ANKRD7: variants seen among roughly 807,000 people sequenced by gnomAD.
ANKRD7 encodes ankyrin repeat domain-containing protein 7.
In ANKRD7, 30 loss-of-function variants were observed where a neutral mutation model predicts 30.8. That is an observed-to-expected ratio of 0.97 (90% CI 0.73 to 1.32). The LOEUF (loss-of-function observed/expected upper bound fraction) is 1.32. Ranked by LOEUF, ANKRD7 falls within the 40% of genes most tolerant of loss-of-function variation. The probability of loss-of-function intolerance (pLI) is 0.00; values close to 1 mark genes in which losing one functional copy is unlikely to be tolerated. For missense variants in ANKRD7, 264 were observed against 295.7 expected, an observed-to-expected ratio of 0.89 and a Z score of 0.79; for synonymous variants, 97 against 106.6, an observed-to-expected ratio of 0.91 and a Z score of 0.55.
intron 1 of ANKRD7, among the ~76,000 whole-genome samples, chr7:118,228,629 T>A (rs1809583288): frequency 6.6e-6 from 1 of 152,184 alleles, no homozygotes; most frequent in Non-Finnish European, 1.5e-5. Flanking sequence ...TGACCTGCCT[T>A]TTCTTTTTCG....
intron 1 of ANKRD7, among the ~76,000 whole-genome samples, chr7:118,229,062 C>T (rs1809590056): frequency 6.6e-6 from 1 of 152,090 alleles, no homozygotes; most frequent in Non-Finnish European, 1.5e-5. Context: ...ATCTTACCTC[C>T]TACAACTCTT....
intron 1 of ANKRD7, among the ~76,000 whole-genome samples, chr7:118,230,099 A>G (rs544447285): frequency 6.6e-6 from 1 of 152,232 alleles, no homozygotes; most frequent in East Asian, 1.9e-4. Context: ...AGTTGAAAGC[A>G]TTCCTCCTAA....
Position 118,239,813 on chromosome 7 carries a change from C to T in ANKRD7, c.713-96C>T, listed in dbSNP as rs1584727162. ...CCTCAAGTGTGTTACATTCTTGGGG[C>T]AGCATTGGCTGGTACCTAAGGTTTT... is the stretch of plus-strand genomic sequence containing the variant. On this transcript the variant is annotated intron_variant, in intron 5 of 6. Transcript: ENST00000265224. 8 of 627,126 alleles carry T rather than the reference C, an allele frequency of 1.3e-5. No individual in the cohort carries two copies. In the East Asian group the frequency reaches 2.6e-4, roughly 21 times the overall value. The allele number at this position is 627,126 out of a possible 1,614,324, so 38.8% of individuals were successfully genotyped here.
rs896290597 is a variant in ANKRD7 at position 118,224,978 on chromosome 7, T to C, written c.148T>C (p.Tyr50His). Reference protein sequence around the residue: ...KLKEYLQIKKYDVNMQDKKYR... With the variant: ...KLKEYLQIKKHDVNMQDKKYR... ...GAAGGAATACCTTCAGATCAAGAAA[T>C]ATGATGTAAATATGCAGGACAAAAA... Residue 50 changes from tyrosine (Y) to histidine (H), a missense_variant, in exon 1 of 7, where the codon TAT (tyrosine) becomes CAT (histidine). Physicochemically the swap from Tyr to His is moderately conservative, Grantham distance 83. Coordinates refer to ENST00000265224, the MANE Select transcript of ANKRD7 (RefSeq NM_019644.4). The C allele has an allele frequency of 1.2e-6, 2 of 1,613,732 alleles. No individual in the cohort carries two copies. Among genetic ancestry groups the C allele is most frequent in the Non-Finnish European group, 1.7e-6 (2 of 1,179,936 alleles).
At chr7:118,228,131 T>G in intron 1 of ANKRD7, 5 of 1,100,850 alleles carry the variant, frequency 4.5e-6, no homozygotes, top group Non-Finnish European at 5.9e-6. Context: ...CATCTGGCAT[T>G]TCTCCTAATT....
intron 3 of ANKRD7, among the ~76,000 whole-genome samples, chr7:118,235,241 G>A (rs1809707223): frequency 6.6e-6 from 1 of 152,056 alleles, no homozygotes; most frequent in Non-Finnish European, 1.5e-5. Flanking sequence ...TAACAGGGTT[G>A]AAATAGCAAA....
chr7:118,236,340 A>G (rs1419500503), intron 4 of ANKRD7, among the ~76,000 whole-genome samples, 193 bp downstream of exon 4: 12 of 151,988 alleles, frequency 7.9e-5, no homozygotes, highest in Admixed American at 2.6e-4. Context: ...AACTTTTAGG[A>G]TTTATTTTTC....
intron 1 of ANKRD7, among the ~76,000 whole-genome samples, chr7:118,230,212 A>C (rs748930500): frequency 5.9e-5 from 9 of 152,022 alleles, no homozygotes; most frequent in African/African-American, 2.2e-4. Flanking sequence ...AAGGCATCCA[A>C]ATTGACAAAG....
At position 118,235,351 on chromosome 7, in the gene ANKRD7, G is replaced by A. The variant is rs189107693; in HGVS notation, c.468+477G>A. Among the ~76,000 whole-genome samples the A allele has an allele frequency of 5.0e-3, 766 of 152,190 alleles. 6 individuals carry two copies. The highest frequency in any genetic ancestry group is 0.017 in the African/African-American group (706 of 41,526). On this transcript the variant is annotated intron_variant, in intron 3 of 6. Transcript: ENST00000265224. Reference sequence around the variant, plus strand: ...TATTGAGCCGGGCATGGTGGCTCACGCCTGTAATCCCAGCACTTTGGGAGG... The same window carrying A: ...TATTGAGCCGGGCATGGTGGCTCACACCTGTAATCCCAGCACTTTGGGAGG...
intron 3 of ANKRD7, among the ~76,000 whole-genome samples, chr7:118,235,480 T>C (rs12667103): frequency 0.72 from 108,603 of 151,674 alleles, 39,159 homozygotes; most frequent in South Asian, 0.85. Context: ...GTCGTCGTGG[T>C]AGGCGCCTGT....
chr7:118,239,628 G>A (rs115960583), intron 5 of ANKRD7, among the ~76,000 whole-genome samples: 157 of 152,220 alleles, frequency 1.0e-3, no homozygotes, highest in African/African-American at 3.7e-3. Flanking sequence ...TCTAGCAAAT[G>A]AATACACCAA....
At chr7:118,238,725 T>G (rs1284476255) in intron 5 of ANKRD7, among the ~76,000 whole-genome samples, 1 of 152,238 alleles carries the variant, frequency 6.6e-6, no homozygotes, top group Non-Finnish European at 1.5e-5. Flanking sequence ...CTCATTAAAA[T>G]TCAGAAGCCA....
At chr7:118,226,296 A>G (rs1438253415) in intron 1 of ANKRD7, among the ~76,000 whole-genome samples, 1 of 152,116 alleles carries the variant, frequency 6.6e-6, no homozygotes, top group African/African-American at 2.4e-5. Flanking sequence ...TTTAATCTAA[A>G]GTGAGTTTCT....
At chr7:118,241,432 C>T (rs1035616754) in intron 6 of ANKRD7, among the ~76,000 whole-genome samples, 1 of 151,280 alleles carries the variant, frequency 6.6e-6, no homozygotes, top group African/African-American at 2.4e-5. Context: ...TCCCCCATCC[C>T]CACAAATCTA....
chr7:118,232,022 G>A (rs1016494181), intron 1 of ANKRD7, among the ~76,000 whole-genome samples: 1 of 152,058 alleles, frequency 6.6e-6, no homozygotes, highest in Non-Finnish European at 1.5e-5. Flanking sequence ...ATTTTAAAAT[G>A]TTTCTCTAAG....
chr7:118,229,162 TCC>T (rs1053989816), intron 1 of ANKRD7, among the ~76,000 whole-genome samples: 4 of 152,076 alleles, frequency 2.6e-5, no homozygotes, highest in Admixed American at 6.6e-5. Flanking sequence ...GACTAGCTGG[TCC>T]CTCTGCCTGG....
intron 1 of ANKRD7, among the ~76,000 whole-genome samples, chr7:118,225,680 G>A (rs1809528574): frequency 6.6e-6 from 1 of 152,028 alleles, no homozygotes; most frequent in Non-Finnish European, 1.5e-5. Flanking sequence ...GAGTAGAGAC[G>A]ACCCCCTGGA....
intron 6 of ANKRD7, among the ~76,000 whole-genome samples, chr7:118,241,816 T>C (rs42341): frequency 0.28 from 43,085 of 151,848 alleles, 6,399 homozygotes; most frequent in Non-Finnish European, 0.33. Context: ...TATAATTACA[T>C]GCGTGAGCCA....
intron 1 of ANKRD7, among the ~76,000 whole-genome samples, chr7:118,231,790 T>G (rs115907371): frequency 0.017 from 2,610 of 152,128 alleles, 74 homozygotes; most frequent in African/African-American, 0.059. Context: ...TCCATCGATA[T>G]ATGAGAGAGT....
Sources: gnomAD v4.1 joint callset for allele counts (sites outside exome capture counted in the v4.1 genomes callset) on GRCh38, gnomAD v4.1.1 for gene constraint, MANE v1.5 for transcripts, NCBI Gene and HGNC (gene_info 2026-07-23, HGNC 2026-07-21) for gene names.